CFAP69: variants seen among roughly 807,000 people sequenced by gnomAD.
The protein encoded by CFAP69 is cilia and flagella associated protein 69, also known as cilia- and flagella-associated protein 69.
Under a neutral mutation model 123.0 loss-of-function variants are expected in CFAP69, and 92 were observed. The ratio of observed to expected loss-of-function variants is 0.75; its 90% CI spans 0.63 to 0.89. The LOEUF (loss-of-function observed/expected upper bound fraction) is 0.89, where lower values mean the gene tolerates loss of function less well. Ranked by LOEUF, CFAP69 falls within the 40% of genes least tolerant of loss-of-function variation. The pLI is 0.00. For synonymous variants in CFAP69, 380 were observed against 364.3 expected (o/e 1.04, Z -0.49); for missense variants, 1,067 against 1,096.9 (o/e 0.97, Z 0.39).
At chr7:90,247,515 T>C (rs1796474858) in intron 1 of CFAP69, among the ~76,000 whole-genome samples, 1 of 152,170 alleles carries the variant, frequency 6.6e-6, no homozygotes, top group Non-Finnish European at 1.5e-5. Flanking sequence ...CAAATGGAGA[T>C]AATGACAGTA....
intron 9 of CFAP69, 30 bp from the exon 10 acceptor site, chr7:90,277,037 ATTCATC>A (rs1251106684): frequency 1.4e-6 from 2 of 1,421,738 alleles, no homozygotes; most frequent in Non-Finnish European, 1.9e-6. Flanking sequence ...CATCTTATTC[ATTCATC>A]TTTCTGCTTA....
chr7:90,307,154 A>G, intron 20 of CFAP69, 56 bp downstream of exon 20: 1 of 1,234,284 alleles, frequency 8.1e-7, no homozygotes, highest in Non-Finnish European at 1.2e-6. Context: ...TAATGGGCAC[A>G]AAAATACAGT....
intron 15 of CFAP69, among the ~76,000 whole-genome samples, chr7:90,290,795 CT>C (rs1214791243): frequency 7.7e-6 from 1 of 129,220 alleles, no homozygotes; most frequent in African/African-American, 3.2e-5. Flanking sequence ...CTTTTCTTTT[CT>C]TTTCTTTTCT....
intron 1 of CFAP69, among the ~76,000 whole-genome samples, chr7:90,246,810 G>C (rs889210974): frequency 1.4e-5 from 2 of 147,718 alleles, no homozygotes; most frequent in Non-Finnish European, 3.0e-5. Context: ...AGGCAAGCAA[G>C]CGTGGATTTT....
At chr7:90,253,266 T>C (rs922543870) in intron 1 of CFAP69, among the ~76,000 whole-genome samples, 1 of 152,198 alleles carries the variant, frequency 6.6e-6, no homozygotes, top group African/African-American at 2.4e-5. Flanking sequence ...CCAAGATAAA[T>C]ATAGTCAAAA....
chr7:90,314,872 CT>C (rs200269608), downstream of CFAP69, among the ~76,000 whole-genome samples: 4,036 of 151,848 alleles, frequency 0.027, 87 homozygotes, highest in South Asian at 0.11. Context: ...GCTCCCCCCC[CT>C]GCTTTAAAAC....
intron 5 of CFAP69, among the ~76,000 whole-genome samples, chr7:90,266,894 A>T (rs543898214): frequency 3.3e-5 from 5 of 152,238 alleles, no homozygotes; most frequent in African/African-American, 1.2e-4. Flanking sequence ...TGATACATAG[A>T]TATTTCTGAC....
chr7:90,300,175 T>TG, intron 17 of CFAP69, 116 bp downstream of exon 17: 1 of 1,233,732 alleles, frequency 8.1e-7, no homozygotes, highest in Non-Finnish European at 1.0e-6. Flanking sequence ...TTTTTTTTTT[T>TG]TTTTTACAAG....
chr7:90,307,053 C>A lies in CFAP69; in HGVS notation c.2418C>A (p.Ser806Arg), dbSNP rs769901754. 5.0e-6 allele frequency: 8 copies of A among 1,612,522 alleles called. 1 individual carries two copies. The South Asian group carries it at 7.7e-5, about 16-fold the overall frequency. Residue 806 changes from serine (S) to arginine (R), a missense_variant, in exon 20 of 23, where the codon AGC becomes AGA. Physicochemically the swap from Ser to Arg is moderately radical, Grantham distance 110. Coordinates refer to ENST00000389297, the MANE Select transcript of CFAP69 (RefSeq NM_001039706.3). ...CTCTGCAAAGTGATATAATTGAAAGCCAAGCATGCCAAGACATGCAAAATG... is the reference window on the plus strand; with the variant it reads ...CTCTGCAAAGTGATATAATTGAAAGACAAGCATGCCAAGACATGCAAAATG... ...VASLQSDIIE[S>R]QACQDMQNEQ...
At chr7:90,320,038 G>C in the CFAP69 span, among the ~76,000 whole-genome samples, 1 of 152,260 alleles carries the variant, frequency 6.6e-6, no homozygotes, top group African/African-American at 2.4e-5. Context: ...AAACCCTAAA[G>C]AGCTTATGCT....
rs373354286 is a variant in CFAP69 at position 90,278,690 on chromosome 7, G to A, written c.1156-987G>A. Among the ~76,000 whole-genome samples the A allele has an allele frequency of 3.3e-5, 5 of 152,080 alleles. No individual in the cohort carries two copies. In the South Asian group the frequency reaches 1.0e-3, roughly 32 times the overall value. ...AGCTTCTTAAAACACTTTGTGAGCG[G>A]TGAAATCAACAATTTTTATGTGTCA... On this transcript the variant is annotated intron_variant, in intron 11 of 22. Transcript: ENST00000389297.
the CFAP69 span, chr7:90,320,328 C>T: frequency 6.6e-6 from 1 of 152,138 alleles, no homozygotes; most frequent in Non-Finnish European, 1.5e-5. Flanking sequence ...GCACTAATAT[C>T]CGGTGTATTC....
At chr7:90,267,389 G>A (rs1799297761) in intron 5 of CFAP69, among the ~76,000 whole-genome samples, 1 of 152,066 alleles carries the variant, frequency 6.6e-6, no homozygotes, top group South Asian at 2.1e-4. Flanking sequence ...TTCTAGTTTA[G>A]TTCTAAGGTC....
intron 18 of CFAP69, 180 bp downstream of exon 18, chr7:90,304,286 G>C: frequency 1.5e-6 from 2 of 1,334,114 alleles, no homozygotes; most frequent in South Asian, 2.1e-5. Context: ...GAATCTCTGT[G>C]TGTGGGATCC....
At chr7:90,264,104 A>AATATAT (rs71104454) in intron 4 of CFAP69, among the ~76,000 whole-genome samples, 45 of 48,864 alleles carry the variant, frequency 9.2e-4, no homozygotes, top group Admixed American at 1.7e-3. Flanking sequence ...AAAAAAAAAA[A>AATATAT]ATATATATAT....
intron 14 of CFAP69, chr7:90,287,577 A>C: frequency 8.1e-6 from 8 of 985,398 alleles, no homozygotes; most frequent in Non-Finnish European, 9.6e-6. Context: ...GGAAAGATAA[A>C]AACAAAAAAA....
chr7:90,300,486 T>A (rs767747137), intron 17 of CFAP69: 4 of 766,586 alleles, frequency 5.2e-6, no homozygotes, highest in Non-Finnish European at 6.3e-6. Context: ...TTAATGTTTA[T>A]AGAGTTTACT....
At chr7:90,283,890 A>G (rs1188812639) in intron 13 of CFAP69, among the ~76,000 whole-genome samples, 2 of 151,844 alleles carry the variant, frequency 1.3e-5, no homozygotes, top group Non-Finnish European at 2.9e-5. Flanking sequence ...GCTCTCCAAT[A>G]ATAATAATAA....
intron 19 of CFAP69, among the ~76,000 whole-genome samples, chr7:90,305,542 G>A (rs983970989): frequency 6.0e-5 from 9 of 149,186 alleles, no homozygotes; most frequent in African/African-American, 1.5e-4. Flanking sequence ...ACAGGCACCC[G>A]CCACCACGCC....
Sources: allele counts gnomAD v4.1 joint callset (sites outside exome capture counted in the v4.1 genomes callset), GRCh38; gene constraint gnomAD v4.1.1; transcripts MANE v1.5; gene names NCBI Gene and HGNC (gene_info 2026-07-23, HGNC 2026-07-21).